ACBD6: variants seen among roughly 807,000 people sequenced by gnomAD.
The protein encoded by ACBD6 is acyl-CoA-binding domain-containing protein 6.
A neutral mutation model predicts 37.2 loss-of-function variants in ACBD6; 28 were observed. The observed-to-expected ratio is 0.75, with a 90% CI of 0.56 to 1.03. ACBD6 has a LOEUF of 1.03. Ranked by LOEUF, ACBD6 falls within the 50% of genes least tolerant of loss-of-function variation. ACBD6 has a pLI of 0.00. For synonymous variants in ACBD6, 113 were observed against 126.8 expected, an observed-to-expected ratio of 0.89 and a Z score of 0.73; for missense variants, 340 against 337.4, an observed-to-expected ratio of 1.01 and a Z score of -0.06.
chr1:180,393,456 G>T (rs1654149494), intron 6 of ACBD6, among the ~76,000 whole-genome samples: 1 of 152,188 alleles, frequency 6.6e-6, no homozygotes, highest in Non-Finnish European at 1.5e-5. Context: ...GACTGTCTGT[G>T]CTGAGTTAGT....
At position 180,413,419 on chromosome 1, in the gene ACBD6, T is replaced by C. The variant is rs1234283159; in HGVS notation, c.520A>G (p.Ile174Val). Residue 174 changes from isoleucine (I) to valine (V), a missense_variant, in exon 5 of 8, where the codon ATA becomes GTA. Coordinates refer to ENST00000367595, the MANE Select transcript of ACBD6 (RefSeq NM_032360.4). ...DYCRENNIDH[I>V]TKAIKSKNVD... is the part of the protein sequence containing the mutation. Reference sequence around the variant, plus strand: ...TTTTTCGATTTGATGGCTTTGGTTATATGGTCAATGTTGTTTTCCCTGCAG... The same window carrying C: ...TTTTTCGATTTGATGGCTTTGGTTACATGGTCAATGTTGTTTTCCCTGCAG... The C allele has an allele frequency of 1.4e-5, 22 of 1,613,472 alleles. No individual in the cohort carries two copies. Among genetic ancestry groups the C allele is most frequent in the Non-Finnish European group, 1.7e-5 (20 of 1,179,894 alleles).
rs376410413 is a variant in ACBD6, at chr1:180,292,443, TA to T, written c.695-3927del. On this transcript the variant is annotated intron_variant, in intron 7 of 7. Coordinates refer to ENST00000367595, the MANE Select transcript of ACBD6 (RefSeq NM_032360.4). Reference sequence around the variant, plus strand: ...TGAGGCTACTGCAAATAATATCTTTTAAAAATTCAATTTACTGTAAGCATAA... The same window carrying T: ...TGAGGCTACTGCAAATAATATCTTTTAAAATTCAATTTACTGTAAGCATAA... Among the ~76,000 whole-genome samples, 266 of 152,348 alleles carry T rather than the reference TA, an allele frequency of 1.7e-3. 1 individual carries two copies. Among genetic ancestry groups the T allele is most frequent in the African/African-American group, 5.7e-3 (238 of 41,596 alleles).
At chr1:180,443,781 T>A (rs74788854) in intron 3 of ACBD6, among the ~76,000 whole-genome samples, 1 of 20,956 alleles carries the variant, frequency 4.8e-5, no homozygotes, top group Non-Finnish European at 1.5e-4. Context: ...CCCAGCTAAT[T>A]TTTTTTTTTT....
chr1:180,466,847 T>C (rs935845088), intron 3 of ACBD6, among the ~76,000 whole-genome samples: 6 of 152,124 alleles, frequency 3.9e-5, no homozygotes, highest in African/African-American at 1.4e-4. Context: ...CAAAGAGTTA[T>C]TGTGACCAGT....
At chr1:180,497,428 C>T (rs1283611741) in intron 1 of ACBD6, among the ~76,000 whole-genome samples, 1 of 152,132 alleles carries the variant, frequency 6.6e-6, no homozygotes, top group Non-Finnish European at 1.5e-5. Context: ...GGTAAGCCAC[C>T]TCTGACCATG....
chr1:180,332,703 T>C (rs1361283886), intron 6 of ACBD6, among the ~76,000 whole-genome samples: 2 of 152,124 alleles, frequency 1.3e-5, no homozygotes, highest in Non-Finnish European at 2.9e-5. Flanking sequence ...TATCTCATAA[T>C]ATATTGCAAT....
chr1:180,286,290 A>G (rs190180608), downstream of ACBD6, among the ~76,000 whole-genome samples: 52 of 152,344 alleles, frequency 3.4e-4, no homozygotes, highest in Middle Eastern at 3.4e-3. Flanking sequence ...AAAATAAAAG[A>G]TAAGTTATAT....
intron 6 of ACBD6, among the ~76,000 whole-genome samples, chr1:180,354,267 A>G (rs1360204470): frequency 6.6e-6 from 1 of 152,188 alleles, no homozygotes; most frequent in Non-Finnish European, 1.5e-5. Flanking sequence ...GGAAAACACA[A>G]TCTGCTTCTA....
rs1403084687 is a variant in ACBD6, at chr1:180,492,243, T to C, written c.384+26A>G. 4.5e-6 allele frequency: 7 copies of C among 1,545,388 alleles called. No homozygotes were observed. In the African/African-American group the frequency reaches 5.4e-5, roughly 12 times the overall value. The stretch of plus-strand genomic sequence containing the variant: ...AGAAGGATCATAAGTTTTTGGAAAG[T>C]ATTATTTATAATCATTAAGTCTTAC... On this transcript the variant is annotated intron_variant, in intron 3 of 7. Transcript: ENST00000367595.
chr1:180,273,577 A>T (rs1193200719), intron 11 of ACBD6: 2 of 152,500 alleles, frequency 1.3e-5, no homozygotes, highest in Non-Finnish European at 2.9e-5. Flanking sequence ...GAAATTCTTT[A>T]AGAAAAAAGA....
intron 3 of ACBD6, among the ~76,000 whole-genome samples, chr1:180,467,661 A>G (rs1194247857): frequency 6.6e-6 from 1 of 152,004 alleles, no homozygotes; most frequent in Non-Finnish European, 1.5e-5. Context: ...AAAAAATAAA[A>G]TAAAGGGCTT....
At chr1:180,269,686 T>A (rs1355453123) in exon 14 of ACBD6, 1 of 152,252 alleles carries the variant, frequency 6.6e-6, no homozygotes, top group Non-Finnish European at 1.5e-5. Context: ...CATTTTTTAA[T>A]ATAAAGATTG....
At chr1:180,294,363 A>C (rs1571325747) in intron 7 of ACBD6, among the ~76,000 whole-genome samples, 1 of 150,478 alleles carries the variant, frequency 6.6e-6, no homozygotes, top group African/African-American at 2.4e-5. Flanking sequence ...ACATGGTGAA[A>C]CCCTGTCTGT....
rs148121693 is a variant in ACBD6, at chr1:180,425,183, G to A, written c.467+4997C>T. On this transcript the variant is annotated intron_variant, in intron 4 of 7. Coordinates refer to ENST00000367595, the MANE Select transcript of ACBD6 (RefSeq NM_032360.4). Reference sequence around the variant, plus strand: ...TTTCATAAGAAAGGGAGGTAGAGAGGAGGAAGGGAGCCATGAGTCCCTGAG... The same window carrying A: ...TTTCATAAGAAAGGGAGGTAGAGAGAAGGAAGGGAGCCATGAGTCCCTGAG... Among the ~76,000 whole-genome samples, 6 of 152,264 alleles carry A rather than the reference G, an allele frequency of 3.9e-5. No individual in the cohort carries two copies. In the East Asian group the frequency reaches 9.6e-4, roughly 24 times the overall value.
At chr1:180,450,373 T>C (rs948019598) in intron 3 of ACBD6, among the ~76,000 whole-genome samples, 1 of 152,184 alleles carries the variant, frequency 6.6e-6, no homozygotes, top group Non-Finnish European at 1.5e-5. Flanking sequence ...GGGAAGGTAG[T>C]GGGACTTGAT....
At chr1:180,282,012 T>A (rs1332633250) in intron 8 of ACBD6, among the ~76,000 whole-genome samples, 1 of 152,246 alleles carries the variant, frequency 6.6e-6, no homozygotes, top group Non-Finnish European at 1.5e-5. Context: ...TTTTTGCCAT[T>A]GTGATTTCAG....
intron 3 of ACBD6, among the ~76,000 whole-genome samples, chr1:180,479,472 C>T (rs1650938191): frequency 6.6e-6 from 1 of 151,632 alleles, no homozygotes; most frequent in Non-Finnish European, 1.5e-5. Context: ...AGTGGAAAGA[C>T]ACATAACAGA....
At chr1:180,478,954 C>T (rs766392382) in intron 3 of ACBD6, among the ~76,000 whole-genome samples, 1 of 152,002 alleles carries the variant, frequency 6.6e-6, no homozygotes, top group Non-Finnish European at 1.5e-5. Context: ...ATGCAAGACC[C>T]CATCTCTACC....
chr1:180,311,299 G>A (rs1650581517), intron 7 of ACBD6, among the ~76,000 whole-genome samples: 1 of 152,172 alleles, frequency 6.6e-6, no homozygotes, highest in Non-Finnish European at 1.5e-5. Flanking sequence ...TGCTAGCTGT[G>A]CCATGGATAA....
Sources: allele counts gnomAD v4.1 joint callset (sites outside exome capture counted in the v4.1 genomes callset), GRCh38; gene constraint gnomAD v4.1.1; transcripts MANE v1.5; gene names NCBI Gene and HGNC (gene_info 2026-07-23, HGNC 2026-07-21).